DPH6: variants seen among roughly 807,000 people sequenced by gnomAD.
DPH6 encodes the protein diphthine--ammonia ligase.
A neutral mutation model predicts 38.2 loss-of-function variants in DPH6; 33 were observed. That is an observed-to-expected ratio of 0.86 (90% confidence interval 0.65 to 1.15). DPH6 has a LOEUF of 1.15. Ranked by LOEUF, DPH6 falls within the 50% of genes most tolerant of loss-of-function variation. The probability of loss-of-function intolerance (pLI) is 0.00; values close to 1 mark genes in which losing one functional copy is unlikely to be tolerated. For synonymous variants in DPH6, 108 were observed against 103.0 expected, an observed-to-expected ratio of 1.05 and a Z score of -0.30; for missense variants, 325 against 320.0, an observed-to-expected ratio of 1.02 and a Z score of -0.12.
chr15:35,458,206 T>C (rs936465607), intron 3 of DPH6, among the ~76,000 whole-genome samples: 14 of 152,308 alleles, frequency 9.2e-5, no homozygotes, highest in Non-Finnish European at 1.2e-4. Flanking sequence ...TGGATGTGAA[T>C]CCGTGGATAC....
chr15:35,449,385 T>C (rs929783184), intron 5 of DPH6, among the ~76,000 whole-genome samples: 1 of 152,114 alleles, frequency 6.6e-6, no homozygotes, highest in African/African-American at 2.4e-5. Context: ...ATCGGTTATA[T>C]ACTATTAAAA....
rs1234251517 is a variant in DPH6, at chr15:35,247,724, C to T, written n.201-27142G>A. 3.9e-5 allele frequency among the ~76,000 whole-genome samples: 6 copies of T among 152,308 alleles called. No homozygotes were observed. The East Asian group carries it at 9.6e-4, about 24-fold the overall frequency. ...CAATTTATAAATCTTTATTGTATCT[C>T]TTTGCCCCCTTGAAATACTGTTTTT... On this transcript the variant is annotated intron_variant and non_coding_transcript_variant, in intron 3 of 3. Coordinates refer to the DPH6 transcript ENST00000560386.
downstream of DPH6, among the ~76,000 whole-genome samples, chr15:35,213,766 G>A (rs2051397958): frequency 6.6e-6 from 1 of 152,160 alleles, no homozygotes; most frequent in African/African-American, 2.4e-5. Context: ...CTGTGCCTAA[G>A]GTCCAAACCC....
intron 3 of DPH6, chr15:35,298,646 T>C: frequency 8.6e-7 from 1 of 1,159,966 alleles, no homozygotes. Flanking sequence ...CTTGCTGGTC[T>C]TCTCCACCGA....
intron 3 of DPH6, among the ~76,000 whole-genome samples, chr15:35,275,003 C>A (rs1258312700): frequency 6.6e-6 from 1 of 152,092 alleles, no homozygotes; most frequent in African/African-American, 2.4e-5. Context: ...CAAGCTCTGC[C>A]TCCCGGGTTC....
chr15:35,158,263 T>A, the DPH6 span, among the ~76,000 whole-genome samples: 1 of 152,050 alleles, frequency 6.6e-6, no homozygotes, highest in Non-Finnish European at 1.5e-5. Context: ...TTGAATGAAC[T>A]AAGATTTTTG....
chr15:35,463,602 T>C (rs1187074920), intron 3 of DPH6, among the ~76,000 whole-genome samples: 1 of 152,194 alleles, frequency 6.6e-6, no homozygotes, highest in Non-Finnish European at 1.5e-5. Flanking sequence ...TACTAAAATA[T>C]GTATTTTTTG....
intron 6 of DPH6, among the ~76,000 whole-genome samples, chr15:35,382,142 A>G (rs1166082109): frequency 6.6e-6 from 1 of 152,226 alleles, no homozygotes; most frequent in Non-Finnish European, 1.5e-5. Context: ...TTAAAAAAAA[A>G]TAACATTAAG....
rs16960763 is a variant in DPH6 at position 35,294,297 on chromosome 15, T to C, written n.201-73715A>G. ...AGTTAGGACTAGATTCTTGAGGGAG[T>C]TGCCTTTGAAGCTGCCTTAGACTTG... is the stretch of plus-strand genomic sequence containing the variant. On this transcript the variant is annotated intron_variant and non_coding_transcript_variant, in intron 3 of 3. Coordinates refer to the DPH6 transcript ENST00000560386. Among the ~76,000 whole-genome samples, 3,161 of 152,252 alleles carry C rather than the reference T, an allele frequency of 0.021. 303 individuals are homozygous for C. The East Asian group carries it at 0.32, about 15-fold the overall frequency.
chr15:35,526,644 A>G (rs1445641516), intron 3 of DPH6, among the ~76,000 whole-genome samples: 2 of 152,174 alleles, frequency 1.3e-5, no homozygotes, highest in African/African-American at 4.8e-5. Context: ...TATACTCCAA[A>G]AAGTCTGAAT....
chr15:35,289,018 G>GTAAAAA lies in DPH6; in HGVS notation n.201-68437_201-68436insTTTTTA, dbSNP rs759387117. Among the ~76,000 whole-genome samples the GTAAAAA allele has an allele frequency of 7.6e-3, 1,164 of 152,208 alleles. 6 individuals carry two copies. The highest frequency in any genetic ancestry group is 0.018 in the Admixed American group (279 of 15,300). Reference sequence around the variant, plus strand: ...GCTTTTGGGGGTAAAATGAAAAGAGGAACTTGTATTTTTACCGACTGTTGG... The same window carrying GTAAAAA: ...GCTTTTGGGGGTAAAATGAAAAGAGGTAAAAAAACTTGTATTTTTACCGACTGTTGG... On this transcript the variant is annotated intron_variant and non_coding_transcript_variant, in intron 3 of 3. Transcript: ENST00000560386.
intron 6 of DPH6, among the ~76,000 whole-genome samples, chr15:35,403,822 CTTTTTT>C (rs550585754): frequency 1.4e-5 from 2 of 142,032 alleles, no homozygotes; most frequent in South Asian, 2.3e-4. Context: ...TCATTCATTC[CTTTTTT>C]TTTTTTTTTG....
chr15:35,393,718 G>A (rs1238872519), intron 6 of DPH6, among the ~76,000 whole-genome samples: 2 of 152,112 alleles, frequency 1.3e-5, no homozygotes, highest in African/African-American at 2.4e-5. Flanking sequence ...AATGGAGGGA[G>A]GTCAGAAAGT....
chr15:35,512,329 C>T (rs1277603988), intron 3 of DPH6, among the ~76,000 whole-genome samples: 1 of 152,106 alleles, frequency 6.6e-6, no homozygotes, highest in Non-Finnish European at 1.5e-5. Flanking sequence ...AAGAGTGTGG[C>T]TAGTTGGAAA....
At chr15:35,346,930 T>C (rs1048056774) in intron 3 of DPH6, among the ~76,000 whole-genome samples, 1 of 152,184 alleles carries the variant, frequency 6.6e-6, no homozygotes, top group African/African-American at 2.4e-5. Context: ...AGCTTTTTTA[T>C]TGTGGTAAAA....
At chr15:35,223,222 A>C (rs1192476222) in intron 3 of DPH6, among the ~76,000 whole-genome samples, 3 of 152,174 alleles carry the variant, frequency 2.0e-5, no homozygotes, top group Admixed American at 6.5e-5. Context: ...CTATGATGGA[A>C]GGCATCACAT....
chr15:35,469,484 T>A (rs961053123), intron 3 of DPH6, among the ~76,000 whole-genome samples: 2 of 152,128 alleles, frequency 1.3e-5, no homozygotes, highest in South Asian at 2.1e-4. Flanking sequence ...AAGGCAGTAG[T>A]TATGACAAGA....
At chr15:35,486,578 C>T (rs2054401370) in intron 3 of DPH6, among the ~76,000 whole-genome samples, 1 of 151,848 alleles carries the variant, frequency 6.6e-6, no homozygotes, top group South Asian at 2.1e-4. Context: ...TAGAAATTGC[C>T]CCCATGATCC....
In DPH6 at chr15:35,391,128, G is replaced by A. The variant is rs544342224; in HGVS notation, c.568-9212C>T. Among the ~76,000 whole-genome samples the A allele has an allele frequency of 1.2e-4, 19 of 152,302 alleles. No homozygotes were observed. In the South Asian group the frequency reaches 3.9e-3, roughly 32 times the overall value. On this transcript the variant is annotated intron_variant, in intron 6 of 8. Transcript: ENST00000256538. ...TCCACTCCAGACCCTATTTGCCTGG[G>A]TATCAGCAGCGGAGGCTGCAGAACA...
Sources: gnomAD v4.1 joint callset for allele counts (sites outside exome capture counted in the v4.1 genomes callset) on GRCh38, gnomAD v4.1.1 for gene constraint, MANE v1.5 for transcripts, NCBI Gene and HGNC (gene_info 2026-07-23, HGNC 2026-07-21) for gene names.